The following SVEP1 variants were observed in gnomAD, a reference collection of about 807,000 sequenced individuals.
The protein encoded by SVEP1 is sushi, von Willebrand factor type A, EGF and pentraxin domain-containing protein 1.
In SVEP1, 164 loss-of-function variants were observed where a neutral mutation model predicts 367.3. The ratio of observed to expected loss-of-function variants is 0.45; its 90% CI spans 0.39 to 0.51. The LOEUF is 0.51. Ranked by LOEUF, SVEP1 falls within the 20% of genes least tolerant of loss-of-function variation. The pLI, the probability that SVEP1 is intolerant of heterozygous loss-of-function variation, is 0.00. For missense variants in SVEP1, 4,117 were observed against 4,425.3 expected, an observed-to-expected ratio of 0.93 and a Z score of 1.98; for synonymous variants, 1,666 against 1,611.6, an observed-to-expected ratio of 1.03 and a Z score of -0.81.
At chr9:110,403,310 T>G (rs915643189) in intron 39 of SVEP1, among the ~76,000 whole-genome samples, 1 of 132,444 alleles carries the variant, frequency 7.6e-6, no homozygotes, top group African/African-American at 3.1e-5. Context: ...TTTTTTTTTT[T>G]TTTTTTTTTT....
intron 17 of SVEP1, among the ~76,000 whole-genome samples, chr9:110,468,458 G>A (rs937261975): frequency 1.3e-5 from 2 of 152,174 alleles, no homozygotes; most frequent in Non-Finnish European, 2.9e-5. Context: ...GCAGGAAAGT[G>A]TCTCTGAACT....
At chr9:110,468,237 CT>C (rs1828967616) in intron 17 of SVEP1, among the ~76,000 whole-genome samples, 1 of 152,116 alleles carries the variant, frequency 6.6e-6, no homozygotes, top group Admixed American at 6.5e-5. Flanking sequence ...GCTAAATGGA[CT>C]TCTTTAAAGT....
intron 8 of SVEP1, 111 bp downstream of exon 8, chr9:110,496,704 G>T: frequency 2.8e-6 from 2 of 706,064 alleles, no homozygotes; most frequent in Non-Finnish European, 4.7e-6. Flanking sequence ...TCCCTCTAGA[G>T]AACCCTAATA....
intron 8 of SVEP1, among the ~76,000 whole-genome samples, chr9:110,494,388 A>C (rs1266931138): frequency 6.6e-6 from 1 of 152,166 alleles, no homozygotes; most frequent in African/African-American, 2.4e-5. Context: ...TTTTATTTAG[A>C]CAGCAAGACT....
At chr9:110,451,136 G>A (rs1037017786) in intron 23 of SVEP1, among the ~76,000 whole-genome samples, 153 bp downstream of exon 23, 4 of 152,112 alleles carry the variant, frequency 2.6e-5, no homozygotes, top group African/African-American at 9.7e-5. Context: ...CCCTCAGTGT[G>A]TATTTCCTCA....
rs1829180214 is a variant in SVEP1, at chr9:110,481,134, C to G, written c.2365+108G>C. ...ATTCACAAACATTTCAAATTCATGG[C>G]ACCATTTTCCATTAATTCCTATCGT... is the stretch of plus-strand genomic sequence containing the variant. On this transcript the variant is annotated intron_variant, in intron 12 of 47. Transcript: ENST00000374469. 11 of 769,400 alleles carry G rather than the reference C, an allele frequency of 1.4e-5. 1 individual carries two copies. In the South Asian group the frequency reaches 4.7e-4, roughly 33 times the overall value. The allele number at this position is 769,400 out of a possible 1,614,324, so 47.7% of individuals were successfully genotyped here. A position where few individuals can be genotyped will look rare whatever the true frequency, so the allele number is the denominator to read the frequency against.
At chr9:110,573,220 C>T (rs1264982981) in intron 1 of SVEP1, among the ~76,000 whole-genome samples, 1 of 151,908 alleles carries the variant, frequency 6.6e-6, no homozygotes, top group African/African-American at 2.4e-5. Flanking sequence ...ATTATTTCAG[C>T]ACTGGGGCCA....
intron 3 of SVEP1, among the ~76,000 whole-genome samples, chr9:110,529,841 T>G (rs940572216): frequency 4.6e-5 from 7 of 152,156 alleles, no homozygotes; most frequent in Non-Finnish European, 1.0e-4. Context: ...TTTTTCAGTT[T>G]GGATGCTCTT....
At position 110,546,253 on chromosome 9, in the gene SVEP1, G is replaced by T; in HGVS notation, c.826C>A (p.His276Asn). Residue 276 changes from histidine to asparagine, a missense_variant, in exon 3 of 48, where the codon CAC becomes AAC. This residue lies in a region of SVEP1 where 2,174 missense variants were observed against 2,494.3 expected (regional missense o/e 0.87). Coordinates refer to ENST00000374469, the MANE Select transcript of SVEP1 (RefSeq NM_153366.4). ...CCTTCATCACAAAGATATGAGCAGTGGACCATATCATCTTGAATAAAACTC... is the reference window on the plus strand; with the variant it reads ...CCTTCATCACAAAGATATGAGCAGTTGACCATATCATCTTGAATAAAACTC... ...SGSFIQDDMV[H>N]CSYLCDEGKD... The T allele has an allele frequency of 1.3e-6, 2 of 1,593,082 alleles. No homozygotes were observed. The highest frequency in any genetic ancestry group is 2.3e-5 in the East Asian group (1 of 44,180).
rs182337226 is a variant in SVEP1, at chr9:110,398,797, G to A, written c.9822+2057C>T. Among the ~76,000 whole-genome samples the A allele has an allele frequency of 8.4e-4, 128 of 152,186 alleles. 1 individual carries two copies. Among genetic ancestry groups the A allele is most frequent in the East Asian group, 4.6e-3 (24 of 5,180 alleles). On this transcript the variant is annotated intron_variant, in intron 40 of 47. Transcript: ENST00000374469. ...ATGCAAATCAAAACCACAATGAGAT[G>A]CCATCTCACACCAGTTAGAATGGCA...
intron 5 of SVEP1, 51 bp downstream of exon 5, chr9:110,512,875 G>A: frequency 6.2e-7 from 1 of 1,604,626 alleles, no homozygotes; most frequent in Non-Finnish European, 8.5e-7. Context: ...TTTAAATCAA[G>A]GAAATCAGGC....
intron 3 of SVEP1, among the ~76,000 whole-genome samples, chr9:110,528,098 A>G (rs1448652693): frequency 6.8e-6 from 1 of 146,928 alleles, no homozygotes; most frequent in Non-Finnish European, 1.5e-5. Flanking sequence ...ACACACACAC[A>G]TACACACATA....
chr9:110,521,397 G>A (rs1020327473), intron 3 of SVEP1, among the ~76,000 whole-genome samples: 3 of 152,172 alleles, frequency 2.0e-5, no homozygotes, highest in African/African-American at 7.2e-5. Context: ...GGCAGGAAAT[G>A]GCACCCTAAC....
At chr9:110,570,892 G>C (rs1198990474) in intron 1 of SVEP1, among the ~76,000 whole-genome samples, 1 of 151,636 alleles carries the variant, frequency 6.6e-6, no homozygotes, top group Admixed American at 6.6e-5. Context: ...GGCCAGGCCA[G>C]TGGCATTTGA....
chr9:110,516,547 TG>T (rs1829807080), intron 3 of SVEP1, among the ~76,000 whole-genome samples: 1 of 152,082 alleles, frequency 6.6e-6, no homozygotes, highest in Non-Finnish European at 1.5e-5. Flanking sequence ...ATATTAATAT[TG>T]TAATATTTCT....
intron 18 of SVEP1, 45 bp from the exon 19 acceptor site, chr9:110,459,158 C>T (rs368343842): frequency 6.4e-7 from 1 of 1,569,114 alleles, no homozygotes; most frequent in Non-Finnish European, 8.7e-7. Flanking sequence ...AAGTAACACA[C>T]CCTACATTTG....
rs776617141 is a variant in SVEP1, at chr9:110,546,258, A to T, written c.821T>A (p.Met274Lys). 1 of 1,593,470 alleles carries T rather than the reference A, an allele frequency of 6.3e-7. No homozygotes were observed. Among genetic ancestry groups the T allele is most frequent in the African/African-American group, 1.3e-5 (1 of 74,630 alleles). ...ATCACAAAGATATGAGCAGTGGACC[A>T]TATCATCTTGAATAAAACTCCCAGA... ...LPSGSFIQDD[M>K]VHCSYLCDEG... Residue 274 changes from methionine (M) to lysine (K), a missense_variant, in exon 3 of 48, where the codon ATG becomes AAG. Physicochemically the swap from Met to Lys is moderately conservative, Grantham distance 95. This residue lies in a region of SVEP1 where 2,174 missense variants were observed against 2,494.3 expected (regional missense o/e 0.87). Coordinates refer to ENST00000374469, the MANE Select transcript of SVEP1 (RefSeq NM_153366.4).
Position 110,579,658 on chromosome 9 carries a change from C to T in SVEP1, c.-115G>A. The T allele has an allele frequency of 4.7e-6, 6 of 1,263,794 alleles. No homozygotes were observed. In the South Asian group the frequency reaches 8.3e-5, roughly 17 times the overall value. 78.3% of individuals were successfully genotyped at this position (1,263,794 alleles called of 1,614,324 possible). ...CGCGGAGCTGGGCGCGGGGCAGCGG[C>T]CAAGAGCCTCAGCGCCCTTTCATCT... On this transcript the variant is annotated 5_prime_UTR_variant, in exon 1 of 48. Transcript: ENST00000374469. The surrounding 1 kb of genome is among the most constrained non-coding windows in gnomAD (Gnocchi z 5.3).
At position 110,407,091 on chromosome 9, in the gene SVEP1, G is replaced by C; in HGVS notation, c.8509C>G (p.Pro2837Ala). The C allele has an allele frequency of 6.2e-7, 1 of 1,613,928 alleles. No individual in the cohort carries two copies. The highest frequency in any genetic ancestry group is 8.5e-7 in the Non-Finnish European group (1 of 1,179,880). The change falls in exon 38 of 48, where the codon CCA becomes GCA. Residue 2837 changes from proline to alanine, a missense_variant. Physicochemically the swap from Pro to Ala is conservative, Grantham distance 27. This residue lies in a region of SVEP1 where 1,765 missense variants were observed against 1,781.1 expected (regional missense o/e 0.99). Coordinates refer to ENST00000374469, the MANE Select transcript of SVEP1 (RefSeq NM_153366.4). Reference sequence around the variant, plus strand: ...CTCACCTGGCCATTGGCTGAGACTGGGGGTGAACTGCAGTCCACAGGAATG... The same window carrying C: ...CTCACCTGGCCATTGGCTGAGACTGCGGGTGAACTGCAGTCCACAGGAATG... ...ICIPVDCSSP[P>A]VSANGQVRGD...
Sources: allele counts gnomAD v4.1 joint callset (sites outside exome capture counted in the v4.1 genomes callset), GRCh38; gene constraint gnomAD v4.1.1; regional missense constraint gnomAD v4.1.1; non-coding constraint Gnocchi (gnomAD v3.1); transcripts MANE v1.5; gene names NCBI Gene and HGNC (gene_info 2026-07-23, HGNC 2026-07-21).